Variants in DNAH5 observed in about 807,000 individuals in gnomAD.
DNAH5 encodes the protein axonemal beta dynein heavy chain 5.
In DNAH5, 372 loss-of-function variants were observed where a neutral mutation model predicts 518.2. That is an observed-to-expected ratio of 0.72 (90% CI 0.66 to 0.78). The LOEUF (loss-of-function observed/expected upper bound fraction) is 0.78. DNAH5 is among the 30% of genes least tolerant of loss of function. The pLI, the probability that DNAH5 is intolerant of heterozygous loss-of-function variation, is 0.00. For missense variants in DNAH5, 5,523 were observed against 5,687.0 expected (o/e 0.97, Z 0.93); for synonymous variants, 2,039 against 2,025.9 (o/e 1.01, Z -0.17).
chr5:13,750,982 A>G, intron 65 of DNAH5, 96 bp downstream of exon 65: 1 of 1,347,820 alleles, frequency 7.4e-7, no homozygotes, highest in Non-Finnish European at 1.0e-6. Context: ...AAAAGGAGAG[A>G]AACTCAGTCC....
chr5:13,810,582 T>TAA (rs1178509165), intron 44 of DNAH5: 68 of 41,714 alleles, frequency 1.6e-3, no homozygotes, highest in Non-Finnish European at 2.7e-3. Context: ...CTACTAAAAA[T>TAA]ACAAAAAAAA....
rs189515133 is a variant in DNAH5 at position 13,724,283 on chromosome 5, T to C, written c.12034-3038A>G. Among the ~76,000 whole-genome samples the C allele has an allele frequency of 2.6e-5, 4 of 152,350 alleles. No homozygotes were observed. The East Asian group carries it at 7.7e-4, about 29-fold the overall frequency. On this transcript the variant is annotated intron_variant, in intron 70 of 78. Transcript: ENST00000265104. The stretch of plus-strand genomic sequence containing the variant: ...AGGAAATTATTTTGGAGATTCAAGA[T>C]TTAAGGACTGCCCTGCTGTGTTTCA...
intron 1 of DNAH5, among the ~76,000 whole-genome samples, chr5:13,995,976 A>G (rs1195429420): frequency 1.3e-5 from 2 of 152,198 alleles, no homozygotes; most frequent in Non-Finnish European, 2.9e-5. Flanking sequence ...AAAGCCTACT[A>G]TACAGAATTC....
chr5:13,814,271 A>AAAATATCATGAATCC (rs1561331333), intron 43 of DNAH5, among the ~76,000 whole-genome samples: 1 of 152,240 alleles, frequency 6.6e-6, no homozygotes, highest in African/African-American at 2.4e-5. Flanking sequence ...GTACCTTTCA[A>AAAATATCATGAATCC]AAATATCATG....
chr5:13,894,824 G>T lies in DNAH5; in HGVS notation c.2260-3C>A. 1 of 1,612,922 alleles carries T rather than the reference G, an allele frequency of 6.2e-7. No individual in the cohort carries two copies. The highest frequency in any genetic ancestry group is 8.5e-7 in the Non-Finnish European group (1 of 1,179,824). ...CTCTGATATTCAGCTAGCATCATCT[G>T]CAATGAAATTGGGGTTAAGTAATCA... is the stretch of plus-strand genomic sequence containing the variant. On this transcript the variant is annotated splice_region_variant and splice_polypyrimidine_tract_variant and intron_variant, in intron 15 of 78. Transcript: ENST00000265104.
At chr5:13,900,577 A>G (rs763265606) in intron 14 of DNAH5, 165 bp from the exon 15 acceptor site, 17 of 657,042 alleles carry the variant, frequency 2.6e-5, no homozygotes, top group African/African-American at 3.6e-5. Flanking sequence ...ATCCAGTCTC[A>G]TACAATAGCC....
At chr5:13,753,645 C>T in intron 62 of DNAH5, 96 bp from the exon 63 acceptor site, 1 of 1,133,284 alleles carries the variant, frequency 8.8e-7, no homozygotes, top group Non-Finnish European at 1.2e-6. Flanking sequence ...GACAATAATT[C>T]TTTTAAACTA....
chr5:13,827,949 A>G (rs1763116880), intron 38 of DNAH5, among the ~76,000 whole-genome samples: 1 of 152,192 alleles, frequency 6.6e-6, no homozygotes, highest in African/African-American at 2.4e-5. Flanking sequence ...CCCTTCCACC[A>G]TGATTGTAAG....
chr5:13,777,941 C>T (rs1211919011), intron 53 of DNAH5, among the ~76,000 whole-genome samples: 2 of 152,118 alleles, frequency 1.3e-5, no homozygotes, highest in African/African-American at 4.8e-5. Flanking sequence ...TCTCTAATTA[C>T]CCAAAGCAAT....
intron 12 of DNAH5, 88 bp downstream of exon 12, chr5:13,911,298 C>T: frequency 3.0e-6 from 3 of 1,009,520 alleles, no homozygotes; most frequent in South Asian, 1.3e-5. Flanking sequence ...ATACCTCTGC[C>T]TTCTGATTGG....
At position 13,884,993 on chromosome 5, in the gene DNAH5, G is replaced by A. The variant is rs751271303; in HGVS notation, c.2979C>T (p.Phe993=). The change falls in exon 19 of 79, where the codon TTC becomes TTT. Residue 993 remains phenylalanine, a synonymous_variant. Coordinates refer to ENST00000265104, the MANE Select transcript of DNAH5 (RefSeq NM_001369.3). ...KRIHSSHTIN[F]RDSNSASNMK... ...CAAACCACACAAGATTATTACCCCG[G>A]AAGTTAATTGTGTGAGAGGAATGAA... 1.9e-6 allele frequency: 3 copies of A among 1,614,036 alleles called. No homozygotes were observed. The African/African-American group carries it at 4.0e-5, about 22-fold the overall frequency.
chr5:13,957,069 A>G (rs747865503), intron 1 of DNAH5, among the ~76,000 whole-genome samples: 2 of 152,228 alleles, frequency 1.3e-5, no homozygotes, highest in Non-Finnish European at 2.9e-5. Context: ...GATTCTGGTT[A>G]CAAGATTTAC....
At position 13,769,536 on chromosome 5, in the gene DNAH5, T is replaced by C. The variant is rs561380021; in HGVS notation, c.9685A>G (p.Lys3229Glu). 14 of 1,614,110 alleles carry C rather than the reference T, an allele frequency of 8.7e-6. No homozygotes were observed. The South Asian group carries it at 1.2e-4, about 14-fold the overall frequency. ...TTATCGTTGGCCACTTGTAGCTCCTTTTCTTTCGCTTCCAGTTCTTTACTC... is the reference window on the plus strand; with the variant it reads ...TTATCGTTGGCCACTTGTAGCTCCTCTTCTTTCGCTTCCAGTTCTTTACTC... ...ALSKELEAKE[K>E]ELQVANDKAD... Residue 3229 changes from lysine to glutamate, a missense_variant, in exon 57 of 79, where the codon AAG (lysine) becomes GAG (glutamate). Coordinates refer to ENST00000265104, the MANE Select transcript of DNAH5 (RefSeq NM_001369.3).
chr5:13,923,305 GC>G lies in DNAH5; in HGVS notation c.412del (p.Ala138ProfsTer11). On this transcript the variant is annotated frameshift_variant, in exon 4 of 79. Transcript: ENST00000265104. LOFTEE classifies it high-confidence loss of function. ...CTGGTGGATGTTGTCAGGGGTGATG[GC>G]TTTGGAAGGGTCAGTCCTGATGAAG... ...VFFIRTDPSK[A>X]ITPDNIHQEV... 6.2e-7 allele frequency: 1 copy of G among 1,614,132 alleles called. No homozygotes were observed. The highest frequency in any genetic ancestry group is 2.2e-5 in the East Asian group (1 of 44,880).
In DNAH5 at chr5:13,841,901, A is replaced by T. The variant is rs765644750; in HGVS notation, c.5275T>A (p.Tyr1759Asn). ...IKSVKFHEKI[Y>N]DRILSISSQE... ...GAGGAAATTGACAGAATTCGATCAT[A>T]GATCTATGTTAGAAACCAAAAAAAA... Residue 1759 changes from tyrosine to asparagine, a missense_variant, in exon 33 of 79, where the codon TAT (tyrosine) becomes AAT (asparagine). Physicochemically the swap from Tyr to Asn is moderately radical, Grantham distance 143. Coordinates refer to ENST00000265104, the MANE Select transcript of DNAH5 (RefSeq NM_001369.3). 21 of 1,149,072 alleles carry T rather than the reference A, an allele frequency of 1.8e-5. No homozygotes were observed. In the South Asian group the frequency reaches 2.5e-4, roughly 14 times the overall value. 71.2% of individuals were successfully genotyped at this position (1,149,072 alleles called of 1,614,324 possible).
At chr5:14,002,295 C>A (rs1488930387) in intron 1 of DNAH5, among the ~76,000 whole-genome samples, 1 of 152,104 alleles carries the variant, frequency 6.6e-6, no homozygotes, top group Non-Finnish European at 1.5e-5. Flanking sequence ...ATATGTGTAT[C>A]TTTTCATGGG....
chr5:13,984,294 T>A (rs983419404), intron 1 of DNAH5, among the ~76,000 whole-genome samples: 3 of 152,240 alleles, frequency 2.0e-5, no homozygotes, highest in Non-Finnish European at 4.4e-5. Context: ...GAAGCAATTG[T>A]GAATGGGAGT....
At chr5:13,822,376 G>C (rs1363125815) in intron 40 of DNAH5, among the ~76,000 whole-genome samples, 1 of 151,920 alleles carries the variant, frequency 6.6e-6, no homozygotes, top group Non-Finnish European at 1.5e-5. Flanking sequence ...TCAGCATCCA[G>C]AGTAGATGGG....
chr5:13,917,279 A>C (rs778010781), intron 7 of DNAH5, 23 bp from the exon 8 acceptor site: 30 of 1,557,016 alleles, frequency 1.9e-5, no homozygotes, highest in Non-Finnish European at 1.8e-6. Flanking sequence ...GGGAAAAGCA[A>C]TTTTAATGTA....
Sources: allele counts gnomAD v4.1 joint callset (sites outside exome capture counted in the v4.1 genomes callset), GRCh38; gene constraint gnomAD v4.1.1; transcripts MANE v1.5; gene names NCBI Gene and HGNC (gene_info 2026-07-23, HGNC 2026-07-21).